The following SDHD variants were observed in gnomAD, a reference collection of about 807,000 sequenced individuals.
SDHD encodes succinate dehydrogenase [ubiquinone] cytochrome b small subunit, mitochondrial.
SDHD carries 6 observed loss-of-function variants against 18.7 expected under a neutral mutation model. The observed-to-expected ratio is 0.32, with a 90% CI of 0.18 to 0.63. SDHD has a LOEUF of 0.63. Among genes scored for constraint, SDHD ranks in the 30% least tolerant of loss-of-function variants. The pLI is 0.79. For missense variants in SDHD, 160 were observed against 192.7 expected (o/e 0.83, Z 1.00); for synonymous variants, 56 against 73.9 (o/e 0.76, Z 1.24).
intron 2 of SDHD, 141 bp downstream of exon 2, chr11:112,088,114 T>G (rs1865661228): frequency 7.9e-6 from 6 of 763,540 alleles, no homozygotes; most frequent in Non-Finnish European, 4.8e-6. Context: ...GTTTACACCT[T>G]TGGGCAGACA....
chr11:112,087,710 C>A, intron 1 of SDHD, 147 bp from the exon 2 acceptor site: 1 of 736,360 alleles, frequency 1.4e-6, no homozygotes, highest in Non-Finnish European at 2.5e-6. Flanking sequence ...TCACAGTAAC[C>A]CCAGTGAAAT....
At chr11:112,088,652 C>G in intron 2 of SDHD, 1 of 623,462 alleles carries the variant, frequency 1.6e-6, no homozygotes, top group Non-Finnish European at 2.9e-6. Flanking sequence ...ATTGAGATAC[C>G]CTTGTGCTAA....
intron 3 of SDHD, among the ~76,000 whole-genome samples, chr11:112,090,682 C>T (rs942118841): frequency 6.6e-6 from 1 of 151,872 alleles, no homozygotes; most frequent in Non-Finnish European, 1.5e-5. Flanking sequence ...CATTTTCTAG[C>T]TAGTGTTAAA....
intron 3 of SDHD, chr11:112,091,132 A>C: frequency 1.0e-6 from 1 of 964,960 alleles, no homozygotes; most frequent in Non-Finnish European, 1.2e-6. Context: ...TCACAAGTAC[A>C]GTAAGTAATA....
chr11:112,091,347 C>T (rs1865742967), intron 3 of SDHD, among the ~76,000 whole-genome samples: 1 of 152,190 alleles, frequency 6.6e-6, no homozygotes, highest in Admixed American at 6.5e-5. Context: ...GTCTCAGCCG[C>T]CTTCAACTCA....
chr11:112,091,350 T>C (rs1865743023), intron 3 of SDHD, among the ~76,000 whole-genome samples: 1 of 152,234 alleles, frequency 6.6e-6, no homozygotes, highest in African/African-American at 2.4e-5. Context: ...TCAGCCGCCT[T>C]CAACTCAATT....
intron 3 of SDHD, among the ~76,000 whole-genome samples, chr11:112,094,188 A>G (rs572804444): frequency 1.3e-5 from 2 of 152,152 alleles, no homozygotes; most frequent in South Asian, 4.2e-4. Context: ...TCACAAGGTC[A>G]GGAGTTCGAG....
At chr11:112,088,764 A>G (rs1001139895) in intron 2 of SDHD, 103 bp from the exon 3 acceptor site, 66 of 1,231,684 alleles carry the variant, frequency 5.4e-5, no homozygotes, top group South Asian at 3.3e-4. Flanking sequence ...GTTATATCCT[A>G]TATGTACACT....
At chr11:112,091,540 C>T (rs1327243672) in intron 3 of SDHD, among the ~76,000 whole-genome samples, 4 of 152,112 alleles carry the variant, frequency 2.6e-5, no homozygotes, top group Non-Finnish European at 4.4e-5. Context: ...ACCTGTTTTT[C>T]TGAGCTGCAG....
chr11:112,091,796 C>T (rs1865750030), intron 3 of SDHD, among the ~76,000 whole-genome samples: 1 of 152,164 alleles, frequency 6.6e-6, no homozygotes, highest in African/African-American at 2.4e-5. Context: ...ATCGGCCAGG[C>T]GTGGTCTCAC....
At chr11:112,090,469 T>C (rs553551609) in intron 3 of SDHD, among the ~76,000 whole-genome samples, 2 of 152,282 alleles carry the variant, frequency 1.3e-5, no homozygotes, top group East Asian at 3.9e-4. Flanking sequence ...ATGAACCTTC[T>C]AAAATGAGGG....
At chr11:112,088,350 C>T in intron 2 of SDHD, 1 of 348,582 alleles carries the variant, frequency 2.9e-6, no homozygotes, top group Non-Finnish European at 5.6e-6. Flanking sequence ...CAGGCGCCCA[C>T]CACCATGCCC....
chr11:112,094,341 T>G (rs1278631680), intron 3 of SDHD, among the ~76,000 whole-genome samples: 1 of 151,890 alleles, frequency 6.6e-6, no homozygotes, highest in Non-Finnish European at 1.5e-5. Flanking sequence ...GAGGTTGTAG[T>G]GAGCCGAGAT....
chr11:112,093,898 C>A (rs996243408), intron 3 of SDHD, among the ~76,000 whole-genome samples: 10 of 152,142 alleles, frequency 6.6e-5, no homozygotes, highest in Admixed American at 2.6e-4. Context: ...CTAGTATATT[C>A]CATAAGGGTA....
At position 112,094,912 on chromosome 11, in the gene SDHD, A is replaced by G. The variant is rs199772639; in HGVS notation, c.422A>G (p.Tyr141Cys). 4.3e-6 allele frequency: 7 copies of G among 1,611,566 alleles called. No individual in the cohort carries two copies. Among genetic ancestry groups the G allele is most frequent in the East Asian group, 4.5e-5 (2 of 44,878 alleles). ...LSALTFAGLC[Y>C]FNYHDVGICK... ...GCTTTAACCTTTGCTGGGCTTTGCT[A>G]TTTCAACTATCACGATGTGGGCATC... Residue 141 changes from tyrosine (Y) to cysteine (C), a missense_variant, in exon 4 of 4, where the codon TAT (tyrosine) becomes TGT (cysteine). Transcript: ENST00000375549.
intron 1 of SDHD, 120 bp downstream of exon 1, chr11:112,087,079 A>T: frequency 9.0e-7 from 1 of 1,107,282 alleles, no homozygotes; most frequent in Non-Finnish European, 1.3e-6. Flanking sequence ...CCGAAATCAC[A>T]GCAATGACCA....
chr11:112,091,033 T>A, intron 3 of SDHD: 4 of 847,858 alleles, frequency 4.7e-6, no homozygotes, highest in Non-Finnish European at 5.7e-6. Context: ...TAGGACTGGT[T>A]AGGAGAATGA....
intron 2 of SDHD, 117 bp downstream of exon 2, chr11:112,088,090 C>G (rs1035283046): frequency 1.1e-5 from 9 of 793,770 alleles, no homozygotes; most frequent in Non-Finnish European, 1.8e-5. Flanking sequence ...CCAACTTTGT[C>G]AAATGAAGAC....
chr11:112,093,027 CTTTTTTT>C (rs1161641648), intron 3 of SDHD: 14 of 135,626 alleles, frequency 1.0e-4, no homozygotes, highest in East Asian at 5.6e-4. Flanking sequence ...TATTGTATGG[CTTTTTTT>C]TTTTTTTTTT....
Sources: gnomAD v4.1 joint callset for allele counts (sites outside exome capture counted in the v4.1 genomes callset) on GRCh38, gnomAD v4.1.1 for gene constraint, MANE v1.5 for transcripts, NCBI Gene and HGNC (gene_info 2026-07-23, HGNC 2026-07-21) for gene names.